SUSD1: variants seen among roughly 807,000 people sequenced by gnomAD.
The protein encoded by SUSD1 is sushi domain-containing protein 1.
A neutral mutation model predicts 86.9 loss-of-function variants in SUSD1; 65 were observed. The observed-to-expected ratio is 0.75, with a 90% CI of 0.61 to 0.92. SUSD1 has a LOEUF of 0.92. Ranked by LOEUF, SUSD1 falls within the 40% of genes least tolerant of loss-of-function variation. The pLI is 0.00. For missense variants in SUSD1, 850 were observed against 929.7 expected (o/e 0.91, Z 1.11); for synonymous variants, 346 against 350.0 (o/e 0.99, Z 0.13).
chr9:112,077,600 G>A (rs549094463), intron 12 of SUSD1, among the ~76,000 whole-genome samples: 3 of 146,026 alleles, frequency 2.1e-5, no homozygotes, highest in African/African-American at 7.7e-5. Context: ...CACCTCCTGG[G>A]TTCAAGCAAT....
intron 7 of SUSD1, 80 bp downstream of exon 7, chr9:112,112,691 A>C: frequency 1.1e-6 from 1 of 917,920 alleles, no homozygotes; most frequent in Non-Finnish European, 1.8e-6. Flanking sequence ...AGAAGCTCTC[A>C]CGGAAGCAAG....
intron 15 of SUSD1, among the ~76,000 whole-genome samples, chr9:112,044,834 A>C (rs1473166464): frequency 6.6e-6 from 1 of 152,244 alleles, no homozygotes. Flanking sequence ...TTCTTATACC[A>C]AAAACTACCA....
chr9:112,058,474 C>T lies in SUSD1; in HGVS notation c.2063G>A (p.Gly688Glu). 6.2e-7 allele frequency: 1 copy of T among 1,614,118 alleles called. No individual in the cohort carries two copies. Among genetic ancestry groups the T allele is most frequent in the Non-Finnish European group, 8.5e-7 (1 of 1,179,984 alleles). Residue 688 changes from glycine (G) to glutamate (E), a missense_variant, in exon 14 of 17, where the codon GGG becomes GAG. Coordinates refer to ENST00000374270, the MANE Select transcript of SUSD1 (RefSeq NM_022486.5). ...GEYYNAPLKR[G>E]SDYCIILRIT... ...TCGTAATATAATGCAGTAATCACTCCCTCTTTTCAAGGGTGCATTATAATA... is the reference window on the plus strand; with the variant it reads ...TCGTAATATAATGCAGTAATCACTCTCTCTTTTCAAGGGTGCATTATAATA...
At chr9:112,108,774 C>CAAA (rs11312103) in intron 8 of SUSD1, among the ~76,000 whole-genome samples, 29 of 68,558 alleles carry the variant, frequency 4.2e-4, no homozygotes, top group Non-Finnish European at 5.9e-4. Flanking sequence ...CTGGGTGTCT[C>CAAA]AAAAAAAAAA....
chr9:112,086,950 A>C (rs1199409629), intron 10 of SUSD1, among the ~76,000 whole-genome samples: 1 of 151,222 alleles, frequency 6.6e-6, no homozygotes, highest in African/African-American at 2.4e-5. Flanking sequence ...CCTGGGAATT[A>C]ACAGACAAAA....
intron 9 of SUSD1, among the ~76,000 whole-genome samples, chr9:112,101,300 C>T (rs187378203): frequency 2.6e-5 from 4 of 151,682 alleles, no homozygotes; most frequent in Admixed American, 6.6e-5. Flanking sequence ...AGGTGGAGGT[C>T]GCAGTGAGCC....
At chr9:112,094,753 T>C (rs954607361) in intron 10 of SUSD1, among the ~76,000 whole-genome samples, 1 of 152,150 alleles carries the variant, frequency 6.6e-6, no homozygotes, top group Non-Finnish European at 1.5e-5. Flanking sequence ...AAGGAAAAGT[T>C]TTAAATAGGG....
rs1334942147 is a variant in SUSD1 at position 112,143,591 on chromosome 9, T to A, written c.406A>T (p.Arg136Trp). The A allele has an allele frequency of 1.9e-6, 3 of 1,613,562 alleles. No individual in the cohort carries two copies. The East Asian group carries it at 6.7e-5, about 36-fold the overall frequency. ...IDECEVSGLC[R>W]HGGRCVNTHG... Reference sequence around the variant, plus strand: ...GTGTTCACGCATCGCCCTCCATGCCTGCACAGGCCAGAAACTTCACACTCA... The same window carrying A: ...GTGTTCACGCATCGCCCTCCATGCCAGCACAGGCCAGAAACTTCACACTCA... Residue 136 changes from arginine to tryptophan, a missense_variant, in exon 4 of 17, where the codon AGG becomes TGG. Physicochemically the swap from Arg to Trp is moderately radical, Grantham distance 101. Transcript: ENST00000374270.
chr9:112,101,406 G>A (rs1045402277), intron 9 of SUSD1, among the ~76,000 whole-genome samples: 3 of 152,062 alleles, frequency 2.0e-5, no homozygotes, highest in Non-Finnish European at 4.4e-5. Flanking sequence ...TACTGAGTTT[G>A]CTCTCTACCA....
chr9:112,134,581 A>G (rs1015595508), intron 5 of SUSD1, among the ~76,000 whole-genome samples: 1 of 152,148 alleles, frequency 6.6e-6, no homozygotes, highest in Non-Finnish European at 1.5e-5. Flanking sequence ...AAAGATGAGA[A>G]CGACAGACAT....
At chr9:112,052,469 C>T (rs1240773102) in intron 14 of SUSD1, 31 bp from the exon 15 acceptor site, 1 of 1,613,482 alleles carries the variant, frequency 6.2e-7, no homozygotes, top group Non-Finnish European at 8.5e-7. Context: ...ATGCATTTAG[C>T]TAGGTGGCAC....
intron 10 of SUSD1, among the ~76,000 whole-genome samples, chr9:112,093,672 A>T (rs1564287874): frequency 6.6e-6 from 1 of 152,214 alleles, no homozygotes; most frequent in African/African-American, 2.4e-5. Context: ...TGTTAATCTC[A>T]GATGGAAAGG....
chr9:112,047,068 G>A (rs1015738036), intron 15 of SUSD1, among the ~76,000 whole-genome samples: 3 of 152,090 alleles, frequency 2.0e-5, no homozygotes, highest in Non-Finnish European at 4.4e-5. Flanking sequence ...CCTGAGACTG[G>A]GTAATTTAAA....
At chr9:112,138,281 G>GTATATACACATATAT (rs1491304710) in intron 5 of SUSD1, among the ~76,000 whole-genome samples, 3 of 47,232 alleles carry the variant, frequency 6.4e-5, no homozygotes, top group Non-Finnish European at 1.3e-4. Flanking sequence ...ATATATATAT[G>GTATATACACATATAT]AAGTCCAGGA....
At position 112,141,472 on chromosome 9, in the gene SUSD1, T is replaced by C. The variant is rs1002827525; in HGVS notation, c.706+848A>G. Among the ~76,000 whole-genome samples the C allele has an allele frequency of 6.6e-5, 10 of 150,826 alleles. No individual in the cohort carries two copies. In the South Asian group the frequency reaches 8.4e-4, roughly 13 times the overall value. Reference sequence around the variant, plus strand: ...CGGGCAGATAACTTAAGGTCAGGAGTTCAAGACTAGCCTGGCCAACACGGT... The same window carrying C: ...CGGGCAGATAACTTAAGGTCAGGAGCTCAAGACTAGCCTGGCCAACACGGT... On this transcript the variant is annotated intron_variant, in intron 5 of 16. Coordinates refer to ENST00000374270, the MANE Select transcript of SUSD1 (RefSeq NM_022486.5).
chr9:112,086,148 T>C (rs1336731909), intron 10 of SUSD1, among the ~76,000 whole-genome samples: 1 of 147,496 alleles, frequency 6.8e-6, no homozygotes, highest in Non-Finnish European at 1.5e-5. Context: ...CTCACCACCA[T>C]CTCTACAAAA....
chr9:112,123,106 T>A (rs188596748), intron 6 of SUSD1, among the ~76,000 whole-genome samples: 4 of 152,214 alleles, frequency 2.6e-5, no homozygotes, highest in African/African-American at 9.6e-5. Context: ...GGTGTATTCA[T>A]CAGTTTCATG....
chr9:112,135,503 A>T (rs1832223770), intron 5 of SUSD1, among the ~76,000 whole-genome samples: 1 of 152,232 alleles, frequency 6.6e-6, no homozygotes, highest in Non-Finnish European at 1.5e-5. Context: ...TCTTGTAAGG[A>T]TCTTCCATTT....
chr9:112,119,158 C>A (rs779150258), intron 6 of SUSD1, among the ~76,000 whole-genome samples: 65 of 152,210 alleles, frequency 4.3e-4, no homozygotes, highest in African/African-American at 1.3e-3. Context: ...AATAACAAAG[C>A]TTACTTCAAA....
Sources: gnomAD v4.1 joint callset for allele counts (sites outside exome capture counted in the v4.1 genomes callset) on GRCh38, gnomAD v4.1.1 for gene constraint, MANE v1.5 for transcripts, NCBI Gene and HGNC (gene_info 2026-07-23, HGNC 2026-07-21) for gene names.